TRIM33: variants seen among roughly 807,000 people sequenced by gnomAD.
TRIM33 encodes the protein tripartite motif containing 33, also known as E3 ubiquitin-protein ligase TRIM33.
Under a neutral mutation model 125.4 loss-of-function variants are expected in TRIM33, and 20 were observed. The observed-to-expected ratio is 0.16, with a 90% confidence interval of 0.11 to 0.23. The LOEUF is 0.23. TRIM33 is among the 10% of genes least tolerant of loss of function. The pLI, the probability that TRIM33 is intolerant of heterozygous loss-of-function variation, is 1.00. For synonymous variants in TRIM33, 564 were observed against 513.9 expected, an observed-to-expected ratio of 1.10 and a Z score of -1.32; for missense variants, 920 against 1,411.4, an observed-to-expected ratio of 0.65 and a Z score of 5.58.
chr1:114,447,927 T>A (rs931000362), intron 4 of TRIM33, among the ~76,000 whole-genome samples: 1 of 152,176 alleles, frequency 6.6e-6, no homozygotes, highest in Admixed American at 6.5e-5. Flanking sequence ...GTCAAAAGCA[T>A]GTAAATTTAC....
chr1:114,482,800 CG>C (rs1557893068), intron 1 of TRIM33, among the ~76,000 whole-genome samples: 2 of 152,126 alleles, frequency 1.3e-5, no homozygotes, highest in African/African-American at 4.8e-5. Context: ...TCCTGTCAGC[CG>C]TATGAAGATG....
At chr1:114,425,122 A>G (rs1405255383) in intron 9 of TRIM33, among the ~76,000 whole-genome samples, 1 of 152,204 alleles carries the variant, frequency 6.6e-6, no homozygotes, top group Non-Finnish European at 1.5e-5. Context: ...TAAGGAACAT[A>G]TCAGATCCTA....
At chr1:114,450,305 G>A (rs972953129) in intron 4 of TRIM33, among the ~76,000 whole-genome samples, 3 of 151,816 alleles carry the variant, frequency 2.0e-5, no homozygotes, top group Non-Finnish European at 2.9e-5. Context: ...TTCATCTCCC[G>A]ACTTTCTTTT....
chr1:114,480,189 G>A (rs556714967), intron 1 of TRIM33, among the ~76,000 whole-genome samples: 2 of 152,224 alleles, frequency 1.3e-5, no homozygotes, highest in South Asian at 2.1e-4. Flanking sequence ...CCCCAACCCT[G>A]TGCTCTCTGA....
At chr1:114,420,525 G>C (rs760382526) in intron 11 of TRIM33, 13 of 747,462 alleles carry the variant, frequency 1.7e-5, no homozygotes, top group Non-Finnish European at 2.7e-5. Context: ...TTGTACTTCT[G>C]TTTAGATATT....
chr1:114,479,663 G>A lies in TRIM33; in HGVS notation c.527-15275C>T, dbSNP rs994615801. On this transcript the variant is annotated intron_variant, in intron 1 of 19. Coordinates refer to ENST00000358465, the MANE Select transcript of TRIM33 (RefSeq NM_015906.4). ...GGAAATAAAACCAGACTATATAAAT[G>A]TAACAATCATGACTATAACAATACA... 2.0e-5 allele frequency among the ~76,000 whole-genome samples: 3 copies of A among 152,304 alleles called. 1 individual carries two copies. The South Asian group carries it at 6.2e-4, about 32-fold the overall frequency.
intron 11 of TRIM33, among the ~76,000 whole-genome samples, chr1:114,412,850 GTTTTC>G (rs1652680323): frequency 6.6e-6 from 1 of 152,096 alleles, no homozygotes; most frequent in African/African-American, 2.4e-5. Context: ...AATATTTCCT[GTTTTC>G]TTTTGGCAAA....
At chr1:114,485,941 C>A (rs1651654602) in intron 1 of TRIM33, among the ~76,000 whole-genome samples, 2 of 152,150 alleles carry the variant, frequency 1.3e-5, no homozygotes, top group Admixed American at 6.5e-5. Context: ...TTAGAAACAT[C>A]TGACAAAGTC....
chr1:114,401,306 G>C, intron 17 of TRIM33, 83 bp downstream of exon 17: 3 of 1,116,682 alleles, frequency 2.7e-6, no homozygotes, highest in Non-Finnish European at 2.6e-6. Flanking sequence ...TTACAGGCGT[G>C]AGCCACCGCG....
In TRIM33 at chr1:114,510,875, C is replaced by A. The variant is rs1463640177; in HGVS notation, c.202G>T (p.Ala68Ser). The A allele has an allele frequency of 6.8e-7, 1 of 1,460,942 alleles. No individual in the cohort carries two copies. Among genetic ancestry groups the A allele is most frequent in the Non-Finnish European group, 9.0e-7 (1 of 1,113,134 alleles). 90.5% of individuals were successfully genotyped at this position (1,460,942 alleles called of 1,614,324 possible). A position where few individuals can be genotyped will look rare whatever the true frequency, so the allele number is the denominator to read the frequency against. ...TGGGCCGAGCCCGAGGAGGCCGCGG[C>A]CACCCCCCCGTCGTCGGGCCCGGCC... ...GAAGPDDGGV[A>S]AASSGSAQAA... is the part of the protein sequence containing the mutation. Residue 68 changes from alanine (A) to serine (S), a missense_variant, in exon 1 of 20, where the codon GCC (alanine) becomes TCC (serine). Physicochemically the swap from Ala to Ser is moderately conservative, Grantham distance 99. This residue lies in a region of TRIM33 where 233 missense variants were observed against 189.6 expected (regional missense o/e 1.23). Transcript: ENST00000358465.
chr1:114,478,681 G>A (rs867291322), intron 1 of TRIM33, among the ~76,000 whole-genome samples: 12 of 152,120 alleles, frequency 7.9e-5, no homozygotes, highest in South Asian at 2.1e-4. Context: ...TCTTAAGAGC[G>A]AACTATAAAA....
At chr1:114,461,298 A>ATT (rs1649981572) in intron 4 of TRIM33, among the ~76,000 whole-genome samples, 1 of 143,306 alleles carries the variant, frequency 7.0e-6, no homozygotes, top group Non-Finnish European at 1.5e-5. Flanking sequence ...ATATTTATAT[A>ATT]TTATATTTTA....
intron 4 of TRIM33, among the ~76,000 whole-genome samples, chr1:114,438,021 A>G (rs207460394): frequency 6.6e-6 from 1 of 152,282 alleles, no homozygotes; most frequent in Non-Finnish European, 1.5e-5. Context: ...TAACAGGACC[A>G]CTTGAGCCCA....
At chr1:114,495,482 A>G (rs1268846346) in intron 1 of TRIM33, among the ~76,000 whole-genome samples, 2 of 152,204 alleles carry the variant, frequency 1.3e-5, no homozygotes, top group African/African-American at 2.4e-5. Flanking sequence ...CTTCCCTCTG[A>G]GAGGATTTTT....
At chr1:114,479,908 C>G (rs970867908) in intron 1 of TRIM33, among the ~76,000 whole-genome samples, 42 of 135,660 alleles carry the variant, frequency 3.1e-4, no homozygotes, top group African/African-American at 1.2e-3. Flanking sequence ...AAGGTGGGGG[C>G]GCCTCTGCCC....
chr1:114,505,693 G>A (rs1006343738), intron 1 of TRIM33, among the ~76,000 whole-genome samples: 2 of 151,924 alleles, frequency 1.3e-5, no homozygotes, highest in Admixed American at 6.6e-5. Flanking sequence ...TCGGCCTCCC[G>A]AGTAGCTGGG....
chr1:114,412,567 T>G (rs1210594936), intron 11 of TRIM33, among the ~76,000 whole-genome samples: 2 of 152,218 alleles, frequency 1.3e-5, no homozygotes, highest in Non-Finnish European at 2.9e-5. Context: ...CTCATCTGCT[T>G]CCTTCAGCTT....
At chr1:114,466,486 C>A (rs544691975) in intron 1 of TRIM33, among the ~76,000 whole-genome samples, 2 of 152,224 alleles carry the variant, frequency 1.3e-5, no homozygotes, top group South Asian at 4.1e-4. Context: ...GAAAATTCTG[C>A]CTGGTAAGAG....
chr1:114,487,932 G>T (rs112805523), intron 1 of TRIM33, among the ~76,000 whole-genome samples: 8,177 of 130,476 alleles, frequency 0.063, 296 homozygotes, highest in African/African-American at 0.086. Context: ...AAAAAAAAAT[G>T]AGAGTAAATA....
Sources: gnomAD v4.1 joint callset for allele counts (sites outside exome capture counted in the v4.1 genomes callset) on GRCh38, gnomAD v4.1.1 for gene constraint, gnomAD v4.1.1 regional missense constraint, MANE v1.5 for transcripts, NCBI Gene and HGNC (gene_info 2026-07-23, HGNC 2026-07-21) for gene names.